The following OPRD1 variants were observed in gnomAD, a reference collection of about 807,000 sequenced individuals.
The protein encoded by OPRD1 is delta-type opioid receptor.
OPRD1 carries 19 observed loss-of-function variants against 17.5 expected under a neutral mutation model. The observed-to-expected ratio is 1.09, with a 90% CI of 0.76 to 1.60. The LOEUF (loss-of-function observed/expected upper bound fraction) is 1.60. Among genes scored for constraint, OPRD1 ranks in the 40% most tolerant of loss-of-function variants. OPRD1 has a pLI of 0.00. For missense variants in OPRD1, 483 were observed against 547.2 expected, an observed-to-expected ratio of 0.88 and a Z score of 1.17; for synonymous variants, 256 against 240.9, an observed-to-expected ratio of 1.06 and a Z score of -0.58.
At chr1:28,858,544 CT>C (rs1168180514) in intron 1 of OPRD1, among the ~76,000 whole-genome samples, 1,445 of 133,502 alleles carry the variant, frequency 0.011, 15 homozygotes, top group African/African-American at 0.03. Flanking sequence ...TGCCCCAACC[CT>C]TTTTTTTTTT....
At chr1:28,844,139 A>G (rs1263394012) in intron 1 of OPRD1, among the ~76,000 whole-genome samples, 1 of 149,160 alleles carries the variant, frequency 6.7e-6, no homozygotes, top group Non-Finnish European at 1.5e-5. Context: ...CAGTTTCTTC[A>G]AATCCTTGCC....
chr1:28,820,405 G>T (rs1474525011), intron 1 of OPRD1, among the ~76,000 whole-genome samples: 2 of 151,840 alleles, frequency 1.3e-5, no homozygotes, highest in Non-Finnish European at 2.9e-5. Flanking sequence ...ATGATGGCCA[G>T]GCTGGTCTCC....
At chr1:28,838,885 C>T (rs1414884668) in intron 1 of OPRD1, among the ~76,000 whole-genome samples, 1 of 152,110 alleles carries the variant, frequency 6.6e-6, no homozygotes, top group Non-Finnish European at 1.5e-5. Flanking sequence ...CCATGCTTCT[C>T]CTTGGGCTGC....
At chr1:28,822,574 T>A (rs1569606365) in intron 1 of OPRD1, among the ~76,000 whole-genome samples, 2 of 151,908 alleles carry the variant, frequency 1.3e-5, no homozygotes, top group Middle Eastern at 3.4e-3. Context: ...TCTGCTCCCC[T>A]GGGTTCAAGC....
At chr1:28,853,707 T>C (rs1207253517) in intron 1 of OPRD1, among the ~76,000 whole-genome samples, 1 of 152,066 alleles carries the variant, frequency 6.6e-6, no homozygotes, top group African/African-American at 2.4e-5. Flanking sequence ...TTTTACACTA[T>C]GTAATTGTGT....
chr1:28,828,706 A>AG (rs1238319472), intron 1 of OPRD1, among the ~76,000 whole-genome samples: 12 of 151,034 alleles, frequency 7.9e-5, no homozygotes, highest in African/African-American at 2.9e-4. Context: ...AAAAAAAAAA[A>AG]AAGCCAGGCG....
rs192484068 is a variant in OPRD1, at chr1:28,838,700, A to G, written c.228-20254A>G. 7.6e-4 allele frequency among the ~76,000 whole-genome samples: 116 copies of G among 152,316 alleles called. 1 individual carries two copies. The East Asian group carries it at 0.015, about 19-fold the overall frequency. On this transcript the variant is annotated intron_variant, in intron 1 of 2. Coordinates refer to ENST00000234961, the MANE Select transcript of OPRD1 (RefSeq NM_000911.4). Reference sequence around the variant, plus strand: ...GTGCACCAGGCAGAGTGCTAGGAACATGGCAGGCATTACCTCATTTGATAT... The same window carrying G: ...GTGCACCAGGCAGAGTGCTAGGAACGTGGCAGGCATTACCTCATTTGATAT...
intron 1 of OPRD1, among the ~76,000 whole-genome samples, chr1:28,813,515 T>C (rs2088649250): frequency 6.6e-6 from 1 of 152,182 alleles, no homozygotes; most frequent in African/African-American, 2.4e-5. Flanking sequence ...TCCCAGGAAG[T>C]GAGGTGCTCT....
chr1:28,849,147 A>G (rs2147744568), intron 1 of OPRD1, among the ~76,000 whole-genome samples: 1 of 152,274 alleles, frequency 6.6e-6, no homozygotes, highest in South Asian at 2.1e-4. Context: ...TCATGCCTGT[A>G]ATCCCAGCAC....
At chr1:28,845,540 T>C (rs1339944676) in intron 1 of OPRD1, among the ~76,000 whole-genome samples, 1 of 151,384 alleles carries the variant, frequency 6.6e-6, no homozygotes, top group East Asian at 1.9e-4. Flanking sequence ...TGTTGTGGCC[T>C]AGGCTTTTGG....
At chr1:28,823,715 A>T (rs1376012576) in intron 1 of OPRD1, among the ~76,000 whole-genome samples, 2 of 151,376 alleles carry the variant, frequency 1.3e-5, no homozygotes, top group African/African-American at 4.9e-5. Context: ...TTTTTAGTAG[A>T]GATGAGGTTT....
chr1:28,828,072 T>C (rs1480952773), intron 1 of OPRD1, among the ~76,000 whole-genome samples: 1 of 152,040 alleles, frequency 6.6e-6, no homozygotes, highest in Non-Finnish European at 1.5e-5. Flanking sequence ...TGGTGAATTT[T>C]TTCCAGCTTT....
At position 28,865,278 on chromosome 1, in the gene OPRD1, C is replaced by A. The variant is rs960377757; in HGVS notation, c.*1995C>A. 1 of 152,248 alleles carries A rather than the reference C, an allele frequency of 6.6e-6. No individual in the cohort carries two copies. The highest frequency in any genetic ancestry group is 1.5e-5 in the Non-Finnish European group (1 of 68,046). 9.4% of individuals were successfully genotyped at this position (152,248 alleles called of 1,614,324 possible). A position where few individuals can be genotyped will look rare whatever the true frequency, so the allele number is the denominator to read the frequency against. ...CCCTATTGAAGCAGTGTGCTGACAT[C>A]CTTGTAAAAACAAATTTAATTTTCT... is the stretch of plus-strand genomic sequence containing the variant. On this transcript the variant is annotated 3_prime_UTR_variant, in exon 3 of 3. Transcript: ENST00000234961.
chr1:28,843,027 A>T (rs576760288), intron 1 of OPRD1, among the ~76,000 whole-genome samples: 1 of 152,150 alleles, frequency 6.6e-6, no homozygotes, highest in African/African-American at 2.4e-5. Context: ...AAGGGCTGCA[A>T]TTTTCAACTA....
At chr1:28,849,577 C>A (rs1188069274) in intron 1 of OPRD1, among the ~76,000 whole-genome samples, 3 of 152,146 alleles carry the variant, frequency 2.0e-5, no homozygotes, top group African/African-American at 7.2e-5. Context: ...CACGGAGCTG[C>A]CAGTTATTTA....
Position 28,865,382 on chromosome 1 carries a change from C to A in OPRD1, c.*2099C>A, listed in dbSNP as rs998177096. 3.3e-5 allele frequency: 5 copies of A among 152,204 alleles called. No homozygotes were observed. The highest frequency in any genetic ancestry group is 7.2e-5 in the African/African-American group (3 of 41,454). The allele number at this position is 152,204 out of a possible 1,614,324, so 9.4% of individuals were successfully genotyped here. A position where few individuals can be genotyped will look rare whatever the true frequency, so the allele number is the denominator to read the frequency against. On this transcript the variant is annotated 3_prime_UTR_variant, in exon 3 of 3. Transcript: ENST00000234961. ...AAAAAGAAAAAGAAACAATATACTT[C>A]TTTTCCCTTTGACAGCCATGTCTTT...
chr1:28,820,899 C>T (rs749015734), intron 1 of OPRD1, among the ~76,000 whole-genome samples: 47 of 151,886 alleles, frequency 3.1e-4, no homozygotes, highest in South Asian at 1.0e-3. Flanking sequence ...CCGCATCTGG[C>T]CTGAGACCCC....
intron 1 of OPRD1, among the ~76,000 whole-genome samples, chr1:28,845,233 C>G (rs2088929374): frequency 6.6e-6 from 1 of 152,048 alleles, no homozygotes; most frequent in South Asian, 2.1e-4. Flanking sequence ...CCTGTAATCC[C>G]AGCTCTTTGG....
In OPRD1 at chr1:28,859,096, G is replaced by A. The variant is rs1240042305; in HGVS notation, c.370G>A (p.Val124Met). 6.2e-7 allele frequency: 1 copy of A among 1,614,116 alleles called. No individual in the cohort carries two copies. Residue 124 changes from valine to methionine, a missense_variant, in exon 2 of 3, where the codon GTG becomes ATG. Val to Met is a conservative substitution (Grantham distance 21). Transcript: ENST00000234961. ...CTTCGGCGAGCTGCTCTGCAAGGCTGTGCTCTCCATCGACTACTACAATAT... is the reference window on the plus strand; with the variant it reads ...CTTCGGCGAGCTGCTCTGCAAGGCTATGCTCTCCATCGACTACTACAATAT... ...WPFGELLCKA[V>M]LSIDYYNMFT...
Sources: allele counts gnomAD v4.1 joint callset (sites outside exome capture counted in the v4.1 genomes callset), GRCh38; gene constraint gnomAD v4.1.1; transcripts MANE v1.5; gene names NCBI Gene and HGNC (gene_info 2026-07-23, HGNC 2026-07-21).